Variants in TENM4 observed in about 807,000 individuals in gnomAD.
TENM4 encodes teneurin transmembrane protein 4, also known as teneurin-4.
A neutral mutation model predicts 243.3 loss-of-function variants in TENM4; 82 were observed. The ratio of observed to expected loss-of-function variants is 0.34; its 90% CI spans 0.28 to 0.40. The LOEUF is 0.40. TENM4 is among the 10% of genes least tolerant of loss of function. TENM4 has a pLI of 1.00. For synonymous variants in TENM4, 1,412 were observed against 1,456.3 expected (o/e 0.97, Z 0.69); for missense variants, 3,138 against 3,673.3 (o/e 0.85, Z 3.77).
Position 78,891,244 on chromosome 11 carries a change from C to T in TENM4, c.842G>A (p.Ser281Asn), listed in dbSNP as rs1465874848. 2 of 1,551,686 alleles carry T rather than the reference C, an allele frequency of 1.3e-6. No individual in the cohort carries two copies. Among genetic ancestry groups the T allele is most frequent in the East Asian group, 4.9e-5 (2 of 40,896 alleles). The change falls in exon 8 of 34, where the codon AGT becomes AAT. Residue 281 changes from serine (S) to asparagine (N), a missense_variant. This residue lies in a region of TENM4 where 671 missense variants were observed against 614.1 expected (regional missense o/e 1.09). Coordinates refer to ENST00000278550, the MANE Select transcript of TENM4 (RefSeq NM_001098816.3). Reference protein sequence around the residue: ...LGASRHDGAYSDGHFLFKPGG... With the variant: ...LGASRHDGAYNDGHFLFKPGG... Reference sequence around the variant, plus strand: ...GAATGGGGATGTCACCTACCCGTCACTGTAAGCCCCATCATGGCGGGAGGC... The same window carrying T: ...GAATGGGGATGTCACCTACCCGTCATTGTAAGCCCCATCATGGCGGGAGGC...
chr11:78,734,908 C>T (rs1441334638), intron 20 of TENM4, among the ~76,000 whole-genome samples: 4 of 152,206 alleles, frequency 2.6e-5, no homozygotes, highest in African/African-American at 9.6e-5. Context: ...TACTAAACAC[C>T]CTACGTCCCT....
At chr11:79,328,313 C>T (rs999582548) in intron 1 of TENM4, among the ~76,000 whole-genome samples, 3 of 152,318 alleles carry the variant, frequency 2.0e-5, no homozygotes, top group African/African-American at 7.2e-5. Context: ...GTCTTAAACT[C>T]CAACCCATGT....
At chr11:79,417,012 G>A (rs1488057721) in intron 1 of TENM4, among the ~76,000 whole-genome samples, 2 of 152,200 alleles carry the variant, frequency 1.3e-5, no homozygotes, top group South Asian at 2.1e-4. Context: ...CTGAGGTCCT[G>A]ATCAATATCT....
chr11:79,084,766 TATG>T (rs1262025822), intron 4 of TENM4, among the ~76,000 whole-genome samples: 4 of 151,962 alleles, frequency 2.6e-5, no homozygotes, highest in African/African-American at 7.3e-5. Context: ...GAAGGAAACT[TATG>T]GTGATGGAAA....
chr11:79,147,165 A>G (rs1862409551), intron 4 of TENM4, among the ~76,000 whole-genome samples: 1 of 152,144 alleles, frequency 6.6e-6, no homozygotes, highest in Admixed American at 6.5e-5. Context: ...TCCATAATAC[A>G]TGAATCACAC....
At chr11:78,746,748 A>C (rs1856061372) in intron 19 of TENM4, among the ~76,000 whole-genome samples, 1 of 152,216 alleles carries the variant, frequency 6.6e-6, no homozygotes, top group African/African-American at 2.4e-5. Context: ...GCCTGGGGAC[A>C]TGGGATATGT....
chr11:79,383,879 C>T (rs887584147), intron 1 of TENM4, among the ~76,000 whole-genome samples: 1 of 152,232 alleles, frequency 6.6e-6, no homozygotes, highest in Non-Finnish European at 1.5e-5. Context: ...AACCACGGCA[C>T]AGAAATGAAT....
intron 6 of TENM4, among the ~76,000 whole-genome samples, chr11:78,926,386 G>C (rs1442127441): frequency 1.3e-5 from 2 of 150,426 alleles, no homozygotes; most frequent in African/African-American, 4.9e-5. Flanking sequence ...CGATTCTCCT[G>C]CCTCAGCTTC....
At chr11:78,875,995 C>T (rs189910401) in intron 9 of TENM4, among the ~76,000 whole-genome samples, 90 of 152,198 alleles carry the variant, frequency 5.9e-4, no homozygotes, top group Admixed American at 1.5e-3. Context: ...GGTATGGGGA[C>T]AGGGACATGA....
chr11:79,255,929 C>T (rs531204541), intron 2 of TENM4, among the ~76,000 whole-genome samples: 14 of 152,248 alleles, frequency 9.2e-5, no homozygotes, highest in Admixed American at 6.5e-4. Context: ...CTTTGCTCCT[C>T]CAGCTCTTTT....
At chr11:79,040,726 C>G (rs1272821396) in intron 6 of TENM4, among the ~76,000 whole-genome samples, 1 of 152,146 alleles carries the variant, frequency 6.6e-6, no homozygotes, top group East Asian at 1.9e-4. Flanking sequence ...ACATGGTGTT[C>G]AGGCCTCTTT....
intron 4 of TENM4, among the ~76,000 whole-genome samples, chr11:79,084,268 A>G (rs190554317): frequency 3.2e-4 from 49 of 152,364 alleles, no homozygotes; most frequent in African/African-American, 1.2e-3. Flanking sequence ...CATTGCTGGT[A>G]GGAATATAAA....
intron 1 of TENM4, among the ~76,000 whole-genome samples, chr11:79,439,987 C>CA (rs112423086): frequency 9.3e-4 from 142 of 152,130 alleles, no homozygotes; most frequent in African/African-American, 3.3e-3. Flanking sequence ...GTCGCATCTC[C>CA]AGGATCTGAG....
At chr11:78,677,682 T>A (rs1189550861) in intron 29 of TENM4, among the ~76,000 whole-genome samples, 1 of 151,982 alleles carries the variant, frequency 6.6e-6, no homozygotes, top group African/African-American at 2.4e-5. Context: ...TATAAACATA[T>A]TTTAAATCAT....
chr11:78,895,005 A>AG (rs1555098076), intron 7 of TENM4, among the ~76,000 whole-genome samples: 1,411 of 118,006 alleles, frequency 0.012, 54 homozygotes, highest in African/African-American at 0.027. Context: ...AAAAAAAAAA[A>AG]AAGAAGACAA....
chr11:79,322,716 A>T (rs1450884536), intron 1 of TENM4, among the ~76,000 whole-genome samples: 1 of 152,184 alleles, frequency 6.6e-6, no homozygotes, highest in Non-Finnish European at 1.5e-5. Context: ...TAACATGTAG[A>T]CCTTGGTTTC....
intron 3 of TENM4, among the ~76,000 whole-genome samples, chr11:79,176,853 G>C (rs763103542): frequency 2.0e-5 from 3 of 152,056 alleles, no homozygotes; most frequent in Non-Finnish European, 2.9e-5. Context: ...ATCTAACATC[G>C]GTCTGAAGAA....
chr11:79,228,070 A>G (rs1009733400), intron 2 of TENM4, among the ~76,000 whole-genome samples: 1 of 152,222 alleles, frequency 6.6e-6, no homozygotes, highest in Non-Finnish European at 1.5e-5. Context: ...TTTGTCAGTG[A>G]GAAAGAATTT....
At chr11:78,684,202 T>C (rs1181341655) in intron 29 of TENM4, among the ~76,000 whole-genome samples, 1 of 152,230 alleles carries the variant, frequency 6.6e-6, no homozygotes, top group Non-Finnish European at 1.5e-5. Flanking sequence ...GCACAGAGAT[T>C]AGGAGCTTGG....
Sources: gnomAD v4.1 joint callset for allele counts (sites outside exome capture counted in the v4.1 genomes callset) on GRCh38, gnomAD v4.1.1 for gene constraint, gnomAD v4.1.1 regional missense constraint, MANE v1.5 for transcripts, NCBI Gene and HGNC (gene_info 2026-07-23, HGNC 2026-07-21) for gene names.